The following PHF20 variants were observed in gnomAD, a reference collection of about 807,000 sequenced individuals.
The protein encoded by PHF20 is PHD finger protein 20.
PHF20 carries 23 observed loss-of-function variants against 113.5 expected under a neutral mutation model. That is an observed-to-expected ratio of 0.20 (90% confidence interval 0.15 to 0.29). The LOEUF is 0.29. PHF20 is among the 10% of genes least tolerant of loss of function. The pLI is 1.00. For synonymous variants in PHF20, 434 were observed against 457.3 expected (o/e 0.95, Z 0.65); for missense variants, 943 against 1,219.6 (o/e 0.77, Z 3.38).
intron 13 of PHF20, among the ~76,000 whole-genome samples, chr20:35,921,195 A>G (rs1220206002): frequency 6.6e-6 from 1 of 152,210 alleles, no homozygotes. Flanking sequence ...TACTTTGATT[A>G]ATCAGAGATG....
intron 2 of PHF20, among the ~76,000 whole-genome samples, chr20:35,829,801 C>T (rs1175413945): frequency 6.6e-6 from 1 of 152,098 alleles, no homozygotes; most frequent in Non-Finnish European, 1.5e-5. Context: ...TTGAGACCAG[C>T]CTAGGTAACG....
intron 9 of PHF20, among the ~76,000 whole-genome samples, chr20:35,895,029 T>G (rs752045622): frequency 5.3e-5 from 8 of 151,912 alleles, no homozygotes; most frequent in Non-Finnish European, 7.4e-5. Flanking sequence ...ATTTTTCTTC[T>G]TCTTTTTTTT....
chr20:35,836,567 G>A (rs2042443477), intron 2 of PHF20, among the ~76,000 whole-genome samples: 1 of 152,208 alleles, frequency 6.6e-6, no homozygotes, highest in Admixed American at 6.5e-5. Flanking sequence ...TTAATTTGCC[G>A]GGCGCAGTGG....
chr20:35,808,213 C>G (rs1197642984), intron 2 of PHF20, among the ~76,000 whole-genome samples: 1 of 152,172 alleles, frequency 6.6e-6, no homozygotes, highest in Non-Finnish European at 1.5e-5. Flanking sequence ...TTCCAATCCT[C>G]TGCTTCTCAT....
chr20:35,845,422 G>A, intron 3 of PHF20: 1 of 398,348 alleles, frequency 2.5e-6, no homozygotes, highest in Non-Finnish European at 5.1e-6. Context: ...CTGAAGTGCA[G>A]TGGTGCAGTC....
intron 2 of PHF20, among the ~76,000 whole-genome samples, chr20:35,808,675 C>A (rs564350857): frequency 6.6e-6 from 1 of 151,942 alleles, no homozygotes; most frequent in African/African-American, 2.4e-5. Context: ...TGGGTTCGTG[C>A]CATTCTCCTG....
rs373676967 is a variant in PHF20, at chr20:35,863,323, A to G, written c.731A>G (p.Asp244Gly). ...CAAGTGGATAAGAAACCTGAAAATG[A>G]CATTGTGAAGAGTCCACAAGAAAAC... ...DAQVDKKPEN[D>G]IVKSPQENLR... Residue 244 changes from aspartate to glycine, a missense_variant, in exon 6 of 18, where the codon GAC becomes GGC. Physicochemically the swap from Asp to Gly is moderately conservative, Grantham distance 94. This residue lies in a region of PHF20 where 592 missense variants were observed against 787.2 expected (regional missense o/e 0.75). Coordinates refer to ENST00000374012, the MANE Select transcript of PHF20 (RefSeq NM_016436.5). 1.5e-5 allele frequency: 25 copies of G among 1,614,062 alleles called. 1 individual carries two copies. In the South Asian group the frequency reaches 2.4e-4, roughly 16 times the overall value.
intron 11 of PHF20, 34 bp from the exon 12 acceptor site, chr20:35,913,999 G>A (rs1281329357): frequency 6.2e-7 from 1 of 1,606,528 alleles, no homozygotes; most frequent in Non-Finnish European, 8.5e-7. Context: ...TGTTAACTAG[G>A]GTTATTCATT....
intron 1 of PHF20, among the ~76,000 whole-genome samples, chr20:35,778,861 T>G (rs1424497156): frequency 6.6e-6 from 1 of 151,974 alleles, no homozygotes; most frequent in Non-Finnish European, 1.5e-5. Flanking sequence ...TGCCAAATAA[T>G]GGAACTAATG....
At chr20:35,810,675 A>G (rs1267400769) in intron 2 of PHF20, among the ~76,000 whole-genome samples, 1 of 152,184 alleles carries the variant, frequency 6.6e-6, no homozygotes, top group African/African-American at 2.4e-5. Flanking sequence ...CATTTTTGTA[A>G]TAACCAAATT....
chr20:35,785,411 C>T (rs772376707), intron 1 of PHF20, among the ~76,000 whole-genome samples: 17 of 152,072 alleles, frequency 1.1e-4, no homozygotes, highest in Non-Finnish European at 1.8e-4. Flanking sequence ...CCTCTGCCTC[C>T]TGGGTTCAAG....
intron 2 of PHF20, among the ~76,000 whole-genome samples, chr20:35,819,776 C>T (rs12481545): frequency 0.095 from 14,494 of 151,954 alleles, 715 homozygotes; most frequent in South Asian, 0.15. Flanking sequence ...ATAAGTACTT[C>T]AAGATGTTCA....
chr20:35,889,549 G>T (rs1164592467), intron 9 of PHF20, among the ~76,000 whole-genome samples: 11 of 151,676 alleles, frequency 7.3e-5, no homozygotes, highest in Admixed American at 7.2e-4. Flanking sequence ...TTTTAGTAGA[G>T]ATAGAGTTTC....
At chr20:35,932,576 G>A (rs894904064) in intron 15 of PHF20, among the ~76,000 whole-genome samples, 34 of 150,166 alleles carry the variant, frequency 2.3e-4, no homozygotes, top group South Asian at 2.1e-4. Context: ...GAATACAGGC[G>A]CACGCCACCA....
chr20:35,865,605 C>T (rs55813027), intron 6 of PHF20, among the ~76,000 whole-genome samples: 4 of 144,986 alleles, frequency 2.8e-5, no homozygotes, highest in Admixed American at 2.1e-4. Flanking sequence ...TAGGCTCAAG[C>T]GATGCTCCTA....
At chr20:35,890,163 G>A (rs2054821963) in intron 9 of PHF20, among the ~76,000 whole-genome samples, 1 of 152,026 alleles carries the variant, frequency 6.6e-6, no homozygotes, top group African/African-American at 2.4e-5. Flanking sequence ...GAGTAGCCGA[G>A]ACTATGGGTG....
chr20:35,795,586 C>T (rs972221554), intron 1 of PHF20, among the ~76,000 whole-genome samples: 3 of 152,038 alleles, frequency 2.0e-5, no homozygotes, highest in African/African-American at 4.8e-5. Context: ...GCAGACCTTT[C>T]TCATTTAATT....
Position 35,941,578 on chromosome 20 carries a change from G to A in PHF20, c.2896+531G>A, listed in dbSNP as rs1003455028. On this transcript the variant is annotated intron_variant, in intron 17 of 17. Coordinates refer to ENST00000374012, the MANE Select transcript of PHF20 (RefSeq NM_016436.5). The stretch of plus-strand genomic sequence containing the variant: ...ACGGACAGGCCTGGAGGATCAAACC[G>A]GTGATGATGAACATGATCAAGTTCA... 5.9e-5 allele frequency among the ~76,000 whole-genome samples: 9 copies of A among 152,214 alleles called. No individual in the cohort carries two copies. The South Asian group carries it at 8.3e-4, about 14-fold the overall frequency.
At chr20:35,852,540 G>T (rs1029572124) in intron 4 of PHF20, among the ~76,000 whole-genome samples, 7 of 152,060 alleles carry the variant, frequency 4.6e-5, no homozygotes, top group Admixed American at 2.0e-4. Flanking sequence ...GGGAAGGCAT[G>T]CCCACAAACA....
Sources: allele counts gnomAD v4.1 joint callset (sites outside exome capture counted in the v4.1 genomes callset), GRCh38; gene constraint gnomAD v4.1.1; regional missense constraint gnomAD v4.1.1; transcripts MANE v1.5; gene names NCBI Gene and HGNC (gene_info 2026-07-23, HGNC 2026-07-21).